Variants in AKNA observed in about 807,000 individuals in gnomAD.
AKNA encodes AT-hook transcription factor, also known as microtubule organization protein AKNA.
Under a neutral mutation model 138.8 loss-of-function variants are expected in AKNA, and 67 were observed. The ratio of observed to expected loss-of-function variants is 0.48; its 90% CI spans 0.40 to 0.59. The LOEUF (loss-of-function observed/expected upper bound fraction) is 0.59, where lower values mean the gene tolerates loss of function less well. Among genes scored for constraint, AKNA ranks in the 20% least tolerant of loss-of-function variants. The probability of loss-of-function intolerance (pLI) is 0.00; values close to 1 mark genes in which losing one functional copy is unlikely to be tolerated. For synonymous variants in AKNA, 737 were observed against 754.4 expected (o/e 0.98, Z 0.38); for missense variants, 1,813 against 1,880.4 (o/e 0.96, Z 0.66).
chr9:114,377,436 T>A lies in AKNA; in HGVS notation c.371A>T (p.Glu124Val). ...QGRQLDMTEE[E>V]PDGTLGSLEV... ...CAGACTTCCGAGGGTCCCATCTGGCTCCTCTTCAGTCATGTCCAGCTGACG... is the reference window on the plus strand; with the variant it reads ...CAGACTTCCGAGGGTCCCATCTGGCACCTCTTCAGTCATGTCCAGCTGACG... Residue 124 changes from glutamate (E) to valine (V), a missense_variant, in exon 3 of 22, where the codon GAG becomes GTG. By Grantham distance (121) the Glu-to-Val change is moderately radical (BLOSUM62 -2). Transcript: ENST00000374088. 1 of 1,613,588 alleles carries A rather than the reference T, an allele frequency of 6.2e-7. No homozygotes were observed. Among genetic ancestry groups the A allele is most frequent in the Non-Finnish European group, 8.5e-7 (1 of 1,179,962 alleles).
In AKNA at chr9:114,337,012, T is replaced by TTGGGGGGGGGGGGGGGGGGGGGGG; in HGVS notation, c.*41_*42insCCCCCCCCCCCCCCCCCCCCCCCA. 3 of 1,208,224 alleles carry TTGGGGGGGGGGGGGGGGGGGGGGG rather than the reference T, an allele frequency of 2.5e-6. No individual in the cohort carries two copies. Among genetic ancestry groups the TTGGGGGGGGGGGGGGGGGGGGGGG allele is most frequent in the Non-Finnish European group, 3.2e-6 (3 of 929,350 alleles). The allele number at this position is 1,208,224 out of a possible 1,614,324, so 74.8% of individuals were successfully genotyped here. A position where few individuals can be genotyped will look rare whatever the true frequency, so the allele number is the denominator to read the frequency against. ...CCCACTCCTGGCCTGGCAGGCCACCTGCCCACCCACCCACCCATCTGCCTC... is the reference window on the plus strand; with the variant it reads ...CCCACTCCTGGCCTGGCAGGCCACCTTGGGGGGGGGGGGGGGGGGGGGGGGCCCACCCACCCACCCATCTGCCTC... On this transcript the variant is annotated 3_prime_UTR_variant, in exon 22 of 22. Coordinates refer to ENST00000374088, the MANE Select transcript of AKNA (RefSeq NM_001317950.2).
intron 1 of AKNA, 101 bp from the exon 2 acceptor site, chr9:114,381,547 T>C (rs1224333484): frequency 8.4e-7 from 1 of 1,194,344 alleles, no homozygotes; most frequent in Non-Finnish European, 1.1e-6. Flanking sequence ...TAGCCCCAGT[T>C]CAACTCCTGG....
chr9:114,356,160 C>A (rs768550938), intron 13 of AKNA, 24 bp from the exon 14 acceptor site: 2 of 1,601,788 alleles, frequency 1.2e-6, no homozygotes, highest in Non-Finnish European at 1.7e-6. Context: ...GAGGAAGGGA[C>A]ACACAGGGGT....
chr9:114,374,263 C>T (rs1827968294), intron 3 of AKNA, 96 bp from the exon 4 acceptor site: 3 of 1,197,282 alleles, frequency 2.5e-6, no homozygotes, highest in Middle Eastern at 1.9e-4. Flanking sequence ...TCCATAAGGG[C>T]TTCTGGGTTC....
chr9:114,369,583 A>G (rs1832613533), intron 4 of AKNA, among the ~76,000 whole-genome samples: 1 of 152,162 alleles, frequency 6.6e-6, no homozygotes, highest in Non-Finnish European at 1.5e-5. Flanking sequence ...TGCGCACAAA[A>G]TAAGTGCTCA....
At chr9:114,372,720 T>C (rs1202383187) in intron 4 of AKNA, among the ~76,000 whole-genome samples, 1 of 152,118 alleles carries the variant, frequency 6.6e-6, no homozygotes, top group East Asian at 1.9e-4. Context: ...TTGGACCTAC[T>C]TGGAGTCTGC....
rs1588951428 is a variant in AKNA at position 114,346,761 on chromosome 9, C to G, written c.3422G>C (p.Gly1141Ala). Residue 1141 changes from glycine to alanine, a missense_variant, in exon 17 of 22, where the codon GGT becomes GCT. Transcript: ENST00000374088. ...YGSKSTERLP[G>A]EPRGEEQIVP... ...AATCTGCTCTTCACCTCTAGGCTCA[C>G]CAGGCAATCTCTCTGTGGATTTACT... The G allele has an allele frequency of 3.1e-6, 5 of 1,612,444 alleles. No homozygotes were observed. The East Asian group carries it at 1.1e-4, about 36-fold the overall frequency.
chr9:114,391,239 G>A (rs1430614486), upstream of AKNA, among the ~76,000 whole-genome samples: 1 of 152,234 alleles, frequency 6.6e-6, no homozygotes, highest in Non-Finnish European at 1.5e-5. Flanking sequence ...ACCAAGCTTG[G>A]TGCTCACAAC....
intron 1 of AKNA, among the ~76,000 whole-genome samples, chr9:114,387,137 C>A (rs10982192): frequency 6.6e-6 from 1 of 152,022 alleles, no homozygotes; most frequent in African/African-American, 2.4e-5. Context: ...AGACCACCCC[C>A]CAAATCAGTA....
chr9:114,377,148 T>C lies in AKNA; in HGVS notation c.659A>G (p.Glu220Gly). 3 of 1,614,148 alleles carry C rather than the reference T, an allele frequency of 1.9e-6. No homozygotes were observed. Among genetic ancestry groups the C allele is most frequent in the Non-Finnish European group, 2.5e-6 (3 of 1,180,010 alleles). ...GGGCTGGGGGCCATCGGTCTCTCCTTCCCAGGTAGAATCAAGGCTGTCACT... is the reference window on the plus strand; with the variant it reads ...GGGCTGGGGGCCATCGGTCTCTCCTCCCCAGGTAGAATCAAGGCTGTCACT... ...HPSDSLDSTW[E>G]GETDGPQPTA... Residue 220 changes from glutamate to glycine, a missense_variant, in exon 3 of 22, where the codon GAA (glutamate) becomes GGA (glycine). Transcript: ENST00000374088.
intron 1 of AKNA, among the ~76,000 whole-genome samples, chr9:114,387,594 T>C (rs1478000935): frequency 6.6e-6 from 1 of 152,204 alleles, no homozygotes; most frequent in East Asian, 1.9e-4. Flanking sequence ...GGCACAGAGA[T>C]GGACCCGCCT....
chr9:114,375,146 T>C (rs940292885), intron 3 of AKNA, among the ~76,000 whole-genome samples: 1 of 152,132 alleles, frequency 6.6e-6, no homozygotes, highest in African/African-American at 2.4e-5. Context: ...ATGGTCATGT[T>C]TCTCCTCCAG....
At chr9:114,380,852 G>A (rs1833596582) in intron 2 of AKNA, among the ~76,000 whole-genome samples, 3 of 151,008 alleles carry the variant, frequency 2.0e-5, no homozygotes, top group Non-Finnish European at 4.4e-5. Context: ...GCATGGTGGC[G>A]CATGCCTGTA....
chr9:114,361,072 C>T (rs770425764), intron 9 of AKNA, among the ~76,000 whole-genome samples: 3 of 152,002 alleles, frequency 2.0e-5, no homozygotes, highest in Non-Finnish European at 1.5e-5. Flanking sequence ...CAGCCTCAGA[C>T]TGGCCTACCC....
At chr9:114,375,320 G>C (rs564788407) in intron 3 of AKNA, among the ~76,000 whole-genome samples, 1 of 152,206 alleles carries the variant, frequency 6.6e-6, no homozygotes, top group Non-Finnish European at 1.5e-5. Flanking sequence ...AAGTAAGAAG[G>C]AGGACGGACT....
chr9:114,377,574 T>G, intron 2 of AKNA, 42 bp from the exon 3 acceptor site: 2 of 1,520,526 alleles, frequency 1.3e-6, no homozygotes, highest in Non-Finnish European at 1.8e-6. Flanking sequence ...ATACCAGCTC[T>G]GCACCCACCT....
Position 114,377,481 on chromosome 9 carries a change from G to A in AKNA, c.326C>T (p.Ala109Val), listed in dbSNP as rs1833329890. Residue 109 changes from alanine to valine, a missense_variant, in exon 3 of 22, where the codon GCC (alanine) becomes GTC (valine). Transcript: ENST00000374088. ...CTGACGGCCCTGCTGGGGGAGCCAG[G>A]CAAGAGGCTCATGGGAACTTGCTGG... is the stretch of plus-strand genomic sequence containing the variant. The part of the protein sequence containing the change: ...DSPASSHEPL[A>V]WLPQQGRQLD... The A allele has an allele frequency of 6.2e-7, 1 of 1,612,700 alleles. No individual in the cohort carries two copies. The highest frequency in any genetic ancestry group is 8.5e-7 in the Non-Finnish European group (1 of 1,179,544).
rs775776279 is a variant in AKNA, at chr9:114,359,541, C to A, written c.2492+53G>T. The A allele has an allele frequency of 7.4e-6, 12 of 1,613,146 alleles. No homozygotes were observed. In the South Asian group the frequency reaches 1.2e-4, roughly 16 times the overall value. Reference sequence around the variant, plus strand: ...TTATTCACTCTGACAGTGATCATCCCTGTGGTTTTAGGGTGGAAACAAACA... The same window carrying A: ...TTATTCACTCTGACAGTGATCATCCATGTGGTTTTAGGGTGGAAACAAACA... On this transcript the variant is annotated intron_variant, in intron 11 of 21. Coordinates refer to ENST00000374088, the MANE Select transcript of AKNA (RefSeq NM_001317950.2).
chr9:114,377,666 T>A, intron 2 of AKNA, 134 bp from the exon 3 acceptor site: 2 of 938,460 alleles, frequency 2.1e-6, no homozygotes, highest in Non-Finnish European at 3.1e-6. Context: ...AAGGTGGTGG[T>A]AGACTTAGCC....
Sources: allele counts gnomAD v4.1 joint callset (sites outside exome capture counted in the v4.1 genomes callset), GRCh38; gene constraint gnomAD v4.1.1; transcripts MANE v1.5; gene names NCBI Gene and HGNC (gene_info 2026-07-23, HGNC 2026-07-21).